Variants in CSGALNACT1 observed in about 807,000 individuals in gnomAD.
CSGALNACT1 encodes chondroitin sulfate N-acetylgalactosaminyltransferase 1.
A neutral mutation model predicts 51.0 loss-of-function variants in CSGALNACT1; 52 were observed. The ratio of observed to expected loss-of-function variants is 1.02; its 90% CI spans 0.82 to 1.29. The LOEUF is 1.29. CSGALNACT1 is among the 50% of genes most tolerant of loss of function. The pLI, the probability that CSGALNACT1 is intolerant of heterozygous loss-of-function variation, is 0.00. For synonymous variants in CSGALNACT1, 341 were observed against 254.4 expected (o/e 1.34, Z -3.24); for missense variants, 935 against 679.2 (o/e 1.38, Z -4.19).
intron 1 of CSGALNACT1, among the ~76,000 whole-genome samples, chr8:19,755,505 T>G (rs920515013): frequency 7.1e-6 from 1 of 141,782 alleles, no homozygotes; most frequent in Non-Finnish European, 1.5e-5. Flanking sequence ...AAGTGCATAC[T>G]GTGTGCTCGG....
chr8:19,480,584 G>C lies in CSGALNACT1; in HGVS notation c.635-21942C>G, dbSNP rs1413811677. Among the ~76,000 whole-genome samples, 5 of 152,162 alleles carry C rather than the reference G, an allele frequency of 3.3e-5. No individual in the cohort carries two copies. In the East Asian group the frequency reaches 9.6e-4, roughly 29 times the overall value. On this transcript the variant is annotated intron_variant, in intron 4 of 9. Coordinates refer to ENST00000454498, the Ensembl canonical transcript of CSGALNACT1. ...GTAGTGCTGCAATGAACATATGGGT[G>C]CCTGCGTCTTTACAATAGAACAATT...
At chr8:19,640,303 A>G (rs138347261) in intron 1 of CSGALNACT1, among the ~76,000 whole-genome samples, 1 of 152,306 alleles carries the variant, frequency 6.6e-6, no homozygotes, top group African/African-American at 2.4e-5. Context: ...TGTATGGAAA[A>G]TGACTATGCA....
chr8:19,409,633 G>A (rs2055218189), intron 8 of CSGALNACT1, among the ~76,000 whole-genome samples: 1 of 152,182 alleles, frequency 6.6e-6, no homozygotes, highest in Admixed American at 6.5e-5. Flanking sequence ...TAACATAGGT[G>A]CTTAGGTGAA....
At chr8:19,642,102 T>TA (rs1325295040) in intron 1 of CSGALNACT1, 2 of 152,212 alleles carry the variant, frequency 1.3e-5, no homozygotes, top group Admixed American at 6.5e-5. Context: ...AAATAGGCAC[T>TA]AAAACAGAGT....
intron 2 of CSGALNACT1, among the ~76,000 whole-genome samples, chr8:19,594,225 T>C (rs2048418747): frequency 6.6e-6 from 1 of 152,128 alleles, no homozygotes; most frequent in Non-Finnish European, 1.5e-5. Flanking sequence ...AAGGAGATTA[T>C]GAAGAAACAG....
chr8:19,702,739 T>C lies in CSGALNACT1; in HGVS notation c.-297+55111A>G, dbSNP rs145097073. ...TCCATCACCCAGTTCCATGTGTCTA[T>C]ACCAGACCTCGTCCTCAAGACTCAA... On this transcript the variant is annotated intron_variant, in intron 1 of 1. Coordinates refer to the CSGALNACT1 transcript ENST00000517494. 2.0e-3 allele frequency among the ~76,000 whole-genome samples: 306 copies of C among 152,184 alleles called. 1 individual carries two copies. Among genetic ancestry groups the C allele is most frequent in the African/African-American group, 7.1e-3 (296 of 41,546 alleles).
intron 1 of CSGALNACT1, among the ~76,000 whole-genome samples, chr8:19,679,514 C>T (rs1222505135): frequency 6.6e-6 from 1 of 151,994 alleles, no homozygotes; most frequent in Non-Finnish European, 1.5e-5. Context: ...CAACTTAACC[C>T]ATATACAGAT....
chr8:19,540,237 A>G (rs144411406), intron 3 of CSGALNACT1, among the ~76,000 whole-genome samples: 2 of 152,320 alleles, frequency 1.3e-5, no homozygotes, highest in East Asian at 1.9e-4. Context: ...ATCATGTCCT[A>G]TCCAGTTAAT....
At chr8:19,432,888 C>T (rs1016564264) in intron 6 of CSGALNACT1, among the ~76,000 whole-genome samples, 2 of 151,976 alleles carry the variant, frequency 1.3e-5, no homozygotes, top group African/African-American at 4.8e-5. Flanking sequence ...CTTAATACAA[C>T]TGATTAAAAA....
chr8:19,707,064 A>T (rs1033231816), intron 1 of CSGALNACT1, among the ~76,000 whole-genome samples: 1 of 152,120 alleles, frequency 6.6e-6, no homozygotes, highest in Non-Finnish European at 1.5e-5. Flanking sequence ...GCACCCAGGG[A>T]TTCATCTAGT....
chr8:19,542,964 A>G (rs960945424), intron 3 of CSGALNACT1, among the ~76,000 whole-genome samples: 1 of 152,148 alleles, frequency 6.6e-6, no homozygotes, highest in African/African-American at 2.4e-5. Context: ...TGAGCTATCA[A>G]CAAGCAGAGA....
intron 8 of CSGALNACT1, among the ~76,000 whole-genome samples, chr8:19,411,991 C>T (rs562903063): frequency 9.9e-5 from 15 of 152,208 alleles, no homozygotes; most frequent in South Asian, 6.2e-4. Context: ...CCACCATGCC[C>T]GGCTACATTT....
intron 1 of CSGALNACT1, among the ~76,000 whole-genome samples, chr8:19,706,016 G>C (rs982495057): frequency 6.6e-6 from 1 of 152,106 alleles, no homozygotes; most frequent in Non-Finnish European, 1.5e-5. Flanking sequence ...AAAAAATCTG[G>C]AGGTGCAGTA....
At chr8:19,599,939 G>T (rs866217560) in intron 2 of CSGALNACT1, among the ~76,000 whole-genome samples, 7 of 152,300 alleles carry the variant, frequency 4.6e-5, no homozygotes, top group Non-Finnish European at 7.3e-5. Flanking sequence ...TCCCAGCAAG[G>T]GGAGTTAATT....
chr8:19,482,346 G>T (rs1362474812), intron 4 of CSGALNACT1, among the ~76,000 whole-genome samples: 1 of 152,180 alleles, frequency 6.6e-6, no homozygotes, highest in Non-Finnish European at 1.5e-5. Flanking sequence ...GCTGGACAGT[G>T]CCGTTTTAGG....
chr8:19,591,220 A>T (rs994926770), exon 3 of CSGALNACT1: 1 of 152,298 alleles, frequency 6.6e-6, no homozygotes, highest in Admixed American at 6.5e-5. Context: ...GTGGAAGGTC[A>T]GGACCGGACC....
intron 3 of CSGALNACT1, among the ~76,000 whole-genome samples, chr8:19,514,455 A>G (rs2079077683): frequency 7.5e-6 from 1 of 133,732 alleles, no homozygotes; most frequent in African/African-American, 2.9e-5. Context: ...TTCAGGCATC[A>G]TATGACTTTT....
At chr8:19,722,008 A>G (rs77359025) in intron 1 of CSGALNACT1, among the ~76,000 whole-genome samples, 24,893 of 82,330 alleles carry the variant, frequency 0.3, 2,293 homozygotes, top group East Asian at 0.43. Context: ...CGACTCAAGC[A>G]AAAAAAAGAA....
At chr8:19,458,204 C>T (rs1176837444) in intron 5 of CSGALNACT1, among the ~76,000 whole-genome samples, 1 of 152,178 alleles carries the variant, frequency 6.6e-6, no homozygotes, top group Middle Eastern at 3.2e-3. Flanking sequence ...CCAGTCCTTC[C>T]TGCTTTTCAC....
Sources: allele counts gnomAD v4.1 joint callset (sites outside exome capture counted in the v4.1 genomes callset), GRCh38; gene constraint gnomAD v4.1.1; transcripts MANE v1.5; gene names NCBI Gene and HGNC (gene_info 2026-07-23, HGNC 2026-07-21).